CMTM4: variants seen among roughly 807,000 people sequenced by gnomAD.
CMTM4 encodes CKLF like MARVEL transmembrane domain containing 4.
In CMTM4, 8 loss-of-function variants were observed where a neutral mutation model predicts 19.0. The ratio of observed to expected loss-of-function variants is 0.42; its 90% CI spans 0.25 to 0.76. CMTM4 has a LOEUF of 0.76. Among genes scored for constraint, CMTM4 ranks in the 30% least tolerant of loss-of-function variants. The probability of loss-of-function intolerance (pLI) is 0.27; values close to 1 mark genes in which losing one functional copy is unlikely to be tolerated. For missense variants in CMTM4, 228 were observed against 290.2 expected, an observed-to-expected ratio of 0.79 and a Z score of 1.56; for synonymous variants, 106 against 121.1, an observed-to-expected ratio of 0.88 and a Z score of 0.82.
chr16:66,640,451 G>T (rs1397366407), intron 1 of CMTM4, among the ~76,000 whole-genome samples: 1 of 152,182 alleles, frequency 6.6e-6, no homozygotes, highest in Admixed American at 6.5e-5. Context: ...TCCCTGGGAA[G>T]GGGGTCAGGT....
downstream of CMTM4, among the ~76,000 whole-genome samples, chr16:66,614,296 GAGAC>G (rs1418000565): frequency 6.6e-6 from 1 of 152,222 alleles, no homozygotes; most frequent in Admixed American, 6.5e-5. This position sits in a 1 kb window ranked among gnomAD's most constrained non-coding sequence, Gnocchi z 4.9. Context: ...CAAAGAAACT[GAGAC>G]AGAGGTCGGG....
At chr16:66,678,341 T>C (rs1046600983) in intron 1 of CMTM4, among the ~76,000 whole-genome samples, 2 of 152,076 alleles carry the variant, frequency 1.3e-5, no homozygotes, top group Non-Finnish European at 2.9e-5. Context: ...AAGAAACAAA[T>C]GAAATTGGGA....
intron 1 of CMTM4, among the ~76,000 whole-genome samples, chr16:66,693,248 CACT>C (rs1157520062): frequency 6.6e-6 from 1 of 151,964 alleles, no homozygotes; most frequent in Non-Finnish European, 1.5e-5. Context: ...ACATACACAC[CACT>C]AAATTTATTT....
rs1033969019 is a variant in CMTM4, at chr16:66,621,476, C to A, written c.*582G>T. On this transcript the variant is annotated 3_prime_UTR_variant, in exon 4 of 4. Coordinates refer to ENST00000394106, the MANE Select transcript of CMTM4 (RefSeq NM_181521.3). ...CTCAGCAGAGTAGGAAACAAAAGGTCACCCTTCCTTGAGTCAGAGGTCCCT... is the reference window on the plus strand; with the variant it reads ...CTCAGCAGAGTAGGAAACAAAAGGTAACCCTTCCTTGAGTCAGAGGTCCCT... 4.1e-6 allele frequency: 4 copies of A among 985,920 alleles called. No individual in the cohort carries two copies. In the African/African-American group the frequency reaches 5.2e-5, roughly 13 times the overall value. 61.1% of individuals were successfully genotyped at this position (985,920 alleles called of 1,614,324 possible).
At chr16:66,607,149 C>T in the CMTM4 span, among the ~76,000 whole-genome samples, 1 of 152,234 alleles carries the variant, frequency 6.6e-6, no homozygotes. Context: ...GCCCGTGAGC[C>T]TCAGGGTACC....
the CMTM4 span, chr16:66,608,198 G>A: frequency 8.4e-7 from 1 of 1,192,350 alleles, no homozygotes; most frequent in Non-Finnish European, 1.2e-6. The surrounding 1 kb of genome is among the most constrained non-coding windows in gnomAD (Gnocchi z 5.1). Context: ...GTGAGCAGTT[G>A]GCTTCCCCTG....
At position 66,696,297 on chromosome 16, in the gene CMTM4, G is replaced by T; in HGVS notation, c.186+43C>A. 1 of 1,269,758 alleles carries T rather than the reference G, an allele frequency of 7.9e-7. No individual in the cohort carries two copies. Among genetic ancestry groups the T allele is most frequent in the Non-Finnish European group, 1.0e-6 (1 of 1,004,234 alleles). The allele number at this position is 1,269,758 out of a possible 1,614,324, so 78.7% of individuals were successfully genotyped here. A position where few individuals can be genotyped will look rare whatever the true frequency, so the allele number is the denominator to read the frequency against. On this transcript the variant is annotated intron_variant, in intron 1 of 3. Transcript: ENST00000394106. This position sits in a 1 kb window ranked among gnomAD's most constrained non-coding sequence, Gnocchi z 4.3. ...AGCGGGGCGGGGAGGGAGGCGTGCG[G>T]CTAGGCCGCCCTCGGGCACCTGGGG...
intron 1 of CMTM4, among the ~76,000 whole-genome samples, chr16:66,651,209 T>C (rs2016304103): frequency 6.6e-6 from 1 of 152,124 alleles, no homozygotes; most frequent in Non-Finnish European, 1.5e-5. Context: ...GATGGGCTCC[T>C]GGAGCCGGAA....
chr16:66,638,199 G>A (rs763302563), intron 1 of CMTM4, among the ~76,000 whole-genome samples: 8 of 152,274 alleles, frequency 5.3e-5, no homozygotes, highest in Admixed American at 3.9e-4. Flanking sequence ...CTCTGCCTCC[G>A]GAGCTTTTAG....
Position 66,696,596 on chromosome 16 carries a change from C to T in CMTM4, c.-71G>A, listed in dbSNP as rs903192982. Reference sequence around the variant, plus strand: ...CAGGAGCGGGCGGACTCAGCGGGGCCGCCGCATCGCCGCCGCCGCCGCCGC... The same window carrying T: ...CAGGAGCGGGCGGACTCAGCGGGGCTGCCGCATCGCCGCCGCCGCCGCCGC... On this transcript the variant is annotated 5_prime_UTR_variant, in exon 1 of 4. Coordinates refer to ENST00000394106, the MANE Select transcript of CMTM4 (RefSeq NM_181521.3). This position sits in a 1 kb window ranked among gnomAD's most constrained non-coding sequence, Gnocchi z 4.3. 3.3e-6 allele frequency: 3 copies of T among 915,434 alleles called. No individual in the cohort carries two copies. The highest frequency in any genetic ancestry group is 1.8e-5 in the African/African-American group (1 of 55,020). 56.7% of individuals were successfully genotyped at this position (915,434 alleles called of 1,614,324 possible). A position where few individuals can be genotyped will look rare whatever the true frequency, so the allele number is the denominator to read the frequency against.
intron 1 of CMTM4, among the ~76,000 whole-genome samples, chr16:66,640,506 G>A (rs989171536): frequency 6.6e-6 from 1 of 152,076 alleles, no homozygotes; most frequent in Non-Finnish European, 1.5e-5. Flanking sequence ...CCCAAAGAGC[G>A]CTTGGGTGCA....
At chr16:66,600,408 G>A in the CMTM4 span, among the ~76,000 whole-genome samples, 4 of 152,212 alleles carry the variant, frequency 2.6e-5, no homozygotes, top group South Asian at 6.2e-4. Context: ...GCCTCCCAAA[G>A]TGCTGGGATT....
intron 1 of CMTM4, among the ~76,000 whole-genome samples, chr16:66,694,857 G>A (rs1196878628): frequency 2.0e-5 from 3 of 151,552 alleles, no homozygotes; most frequent in Admixed American, 1.3e-4. Flanking sequence ...AAATTCTGAA[G>A]ACAGATTATC....
rs569281413 is a variant in CMTM4 at position 66,657,500 on chromosome 16, A to G, written c.187-20919T>C. Among the ~76,000 whole-genome samples the G allele has an allele frequency of 1.1e-4, 17 of 152,360 alleles. No individual in the cohort carries two copies. In the South Asian group the frequency reaches 2.9e-3, roughly 26 times the overall value. On this transcript the variant is annotated intron_variant, in intron 1 of 3. Coordinates refer to ENST00000394106, the MANE Select transcript of CMTM4 (RefSeq NM_181521.3). ...AGAGACATCAAGTCTGTACTCTCAA[A>G]AGACTTAAAATATTCTATAAATATA...
rs560119348 is a variant in CMTM4, at chr16:66,689,630, C to T, written c.186+6710G>A. Among the ~76,000 whole-genome samples, 6 of 152,254 alleles carry T rather than the reference C, an allele frequency of 3.9e-5. No homozygotes were observed. The South Asian group carries it at 8.3e-4, about 21-fold the overall frequency. On this transcript the variant is annotated intron_variant, in intron 1 of 3. Coordinates refer to ENST00000394106, the MANE Select transcript of CMTM4 (RefSeq NM_181521.3). Reference sequence around the variant, plus strand: ...CCATGTTGCCCAGGCTGGTCTTGAACTCCTGGGCTCAAGCAATCCACCTGC... The same window carrying T: ...CCATGTTGCCCAGGCTGGTCTTGAATTCCTGGGCTCAAGCAATCCACCTGC...
Position 66,696,078 on chromosome 16 carries a change from G to C in CMTM4, c.186+262C>G, listed in dbSNP as rs1032759855. 6.6e-6 allele frequency among the ~76,000 whole-genome samples: 1 copy of C among 152,172 alleles called. No homozygotes were observed. The highest frequency in any genetic ancestry group is 2.4e-5 in the African/African-American group (1 of 41,460). On this transcript the variant is annotated intron_variant, in intron 1 of 3. Transcript: ENST00000394106. This position sits in a 1 kb window ranked among gnomAD's most constrained non-coding sequence, Gnocchi z 4.3. Reference sequence around the variant, plus strand: ...AGACTCCCGGGAGCGAGGGCGGAGCGGACAGGTAGGCCCGAAGGCAGGTGC... The same window carrying C: ...AGACTCCCGGGAGCGAGGGCGGAGCCGACAGGTAGGCCCGAAGGCAGGTGC...
chr16:66,662,164 T>C (rs2016510201), intron 1 of CMTM4, among the ~76,000 whole-genome samples: 1 of 152,190 alleles, frequency 6.6e-6, no homozygotes, highest in Admixed American at 6.5e-5. Context: ...ATGAAGTAGG[T>C]ACACTCCAGC....
chr16:66,689,496 T>C (rs944506291), intron 1 of CMTM4, among the ~76,000 whole-genome samples: 4 of 152,212 alleles, frequency 2.6e-5, no homozygotes, highest in African/African-American at 9.6e-5. Flanking sequence ...ACCGCAGCCT[T>C]GACCTCCTGG....
chr16:66,662,627 G>A (rs755746828), intron 1 of CMTM4, among the ~76,000 whole-genome samples: 5 of 152,070 alleles, frequency 3.3e-5, no homozygotes, highest in Admixed American at 6.6e-5. Flanking sequence ...AGAGGAACCC[G>A]AGTTCTTAGG....
Sources: gnomAD v4.1 joint callset for allele counts (sites outside exome capture counted in the v4.1 genomes callset) on GRCh38, gnomAD v4.1.1 for gene constraint, Gnocchi (gnomAD v3.1) non-coding constraint, MANE v1.5 for transcripts, NCBI Gene and HGNC (gene_info 2026-07-23, HGNC 2026-07-21) for gene names.